Variants in MPPED1 observed in about 807,000 individuals in gnomAD.
MPPED1 encodes the protein metallophosphoesterase domain-containing protein 1.
Under a neutral mutation model 36.2 loss-of-function variants are expected in MPPED1, and 16 were observed. That is an observed-to-expected ratio of 0.44 (90% CI 0.30 to 0.67). The LOEUF (loss-of-function observed/expected upper bound fraction) is 0.67, where lower values mean the gene tolerates loss of function less well. Ranked by LOEUF, MPPED1 falls within the 30% of genes least tolerant of loss-of-function variation. MPPED1 has a pLI of 0.10. For missense variants in MPPED1, 307 were observed against 453.4 expected (o/e 0.68, Z 2.93); for synonymous variants, 199 against 191.3 (o/e 1.04, Z -0.33).
intron 3 of MPPED1, among the ~76,000 whole-genome samples, chr22:43,448,327 T>C (rs921481101): frequency 2.0e-5 from 3 of 152,218 alleles, no homozygotes; most frequent in Non-Finnish European, 4.4e-5. Context: ...AAAATTCAGT[T>C]AGTGTGACTG....
In MPPED1 at chr22:43,423,620, C is replaced by T. The variant is rs116690016; in HGVS notation, c.-78-1288C>T. On this transcript the variant is annotated intron_variant, in intron 1 of 6. Transcript: ENST00000443721. Reference sequence around the variant, plus strand: ...GATCAAGATTTAAAAAAATTAATAACCCATTTCTCCTTTGCACATAATTAA... The same window carrying T: ...GATCAAGATTTAAAAAAATTAATAATCCATTTCTCCTTTGCACATAATTAA... Among the ~76,000 whole-genome samples, 764 of 152,294 alleles carry T rather than the reference C, an allele frequency of 5.0e-3. 7 individuals are homozygous for T. Among genetic ancestry groups the T allele is most frequent in the African/African-American group, 0.018 (738 of 41,556 alleles).
At chr22:43,467,182 A>G (rs1023004677) in intron 3 of MPPED1, among the ~76,000 whole-genome samples, 8 of 152,222 alleles carry the variant, frequency 5.3e-5, no homozygotes, top group Non-Finnish European at 1.0e-4. Context: ...GATGGAAGTC[A>G]GGCTACGCCC....
Position 43,412,166 on chromosome 22 carries a change from C to A in MPPED1, c.-79+8C>A, listed in dbSNP as rs1302262103. On this transcript the variant is annotated splice_region_variant and intron_variant, in intron 1 of 6. Transcript: ENST00000443721. ...AGAGGAGCCCGGGGCCAGGTAGGAC[C>A]GGAGGCGGGCGGGGCGCGGCGGGCG... 6 of 978,162 alleles carry A rather than the reference C, an allele frequency of 6.1e-6. No homozygotes were observed. Among genetic ancestry groups the A allele is most frequent in the Middle Eastern group, 5.3e-4 (1 of 1,894 alleles). The allele number at this position is 978,162 out of a possible 1,614,324, so 60.6% of individuals were successfully genotyped here.
intron 1 of MPPED1, among the ~76,000 whole-genome samples, chr22:43,413,369 C>T (rs1928972524): frequency 7.4e-6 from 1 of 136,020 alleles, no homozygotes; most frequent in African/African-American, 2.8e-5. Context: ...AATAATCTGA[C>T]TGGACTTTGC....
chr22:43,412,384 C>T (rs2146805038), intron 1 of MPPED1, among the ~76,000 whole-genome samples: 1 of 152,154 alleles, frequency 6.6e-6, no homozygotes, highest in East Asian at 1.9e-4. Flanking sequence ...GGGCGCGGGA[C>T]TCCGGCTGGG....
intron 3 of MPPED1, among the ~76,000 whole-genome samples, chr22:43,451,686 T>C (rs75412277): frequency 1.6e-3 from 242 of 152,346 alleles, no homozygotes; most frequent in African/African-American, 5.5e-3. Flanking sequence ...AAGAAGTTTT[T>C]TGCTCATTGA....
chr22:43,492,710 T>G (rs1932141800), intron 4 of MPPED1, among the ~76,000 whole-genome samples: 1 of 152,166 alleles, frequency 6.6e-6, no homozygotes, highest in South Asian at 2.1e-4. Context: ...TGCTCATGGC[T>G]GGGTGTAGGG....
chr22:43,444,940 G>A (rs566775976), intron 3 of MPPED1, among the ~76,000 whole-genome samples: 1 of 152,170 alleles, frequency 6.6e-6, no homozygotes, highest in Non-Finnish European at 1.5e-5. Context: ...TAAATTAAAA[G>A]CCAGGGTTGA....
chr22:43,447,883 A>ATATTTTTT (rs1321289636), intron 3 of MPPED1, among the ~76,000 whole-genome samples: 44 of 67,706 alleles, frequency 6.5e-4, no homozygotes, highest in Non-Finnish European at 8.7e-4. Context: ...ATATATATAT[A>ATATTTTTT]TTTTTTTTTT....
intron 3 of MPPED1, among the ~76,000 whole-genome samples, chr22:43,439,606 G>C (rs1361564637): frequency 6.6e-6 from 1 of 152,236 alleles, no homozygotes; most frequent in Non-Finnish European, 1.5e-5. Context: ...GTAGAACGGG[G>C]AGAATTATTT....
rs576408897 is a variant in MPPED1 at position 43,502,027 on chromosome 22, G to A, written c.749-617G>A. Among the ~76,000 whole-genome samples, 6 of 152,252 alleles carry A rather than the reference G, an allele frequency of 3.9e-5. No homozygotes were observed. The highest frequency in any genetic ancestry group is 1.4e-4 in the African/African-American group (6 of 41,548). ...TGGAGTAATCAATTATTCTCCGTTT[G>A]TGTAGCCATGTGAGGATAATAAGCA... On this transcript the variant is annotated intron_variant, in intron 5 of 6. Transcript: ENST00000443721. This position sits in a 1 kb window ranked among gnomAD's most constrained non-coding sequence, Gnocchi z 5.5.
intron 3 of MPPED1, among the ~76,000 whole-genome samples, chr22:43,467,733 C>G (rs542889607): frequency 1.4e-3 from 211 of 152,294 alleles, no homozygotes; most frequent in African/African-American, 4.8e-3. Context: ...CTGCTGTGTT[C>G]TGCGAGATGG....
At chr22:43,486,251 G>A (rs1931908859) in intron 4 of MPPED1, among the ~76,000 whole-genome samples, 1 of 152,218 alleles carries the variant, frequency 6.6e-6, no homozygotes, top group South Asian at 2.1e-4. Flanking sequence ...AGCCTCACTG[G>A]GGTGCTGGCA....
intron 3 of MPPED1, among the ~76,000 whole-genome samples, chr22:43,441,769 G>A (rs191310988): frequency 1.3e-5 from 2 of 152,312 alleles, no homozygotes; most frequent in Admixed American, 1.3e-4. Flanking sequence ...GGGAGGAAGG[G>A]GGAGAAAGGG....
At chr22:43,479,167 G>A (rs373109481) in intron 4 of MPPED1, among the ~76,000 whole-genome samples, 8 of 152,106 alleles carry the variant, frequency 5.3e-5, no homozygotes, top group African/African-American at 1.7e-4. Flanking sequence ...CAGCTCATTC[G>A]GGGGGTGCAG....
chr22:43,435,021 T>A lies in MPPED1; in HGVS notation c.225-13T>A, dbSNP rs756973558. ...CATGGCCTCCTGATCCGCAGTGTCATCTCTCCCTGCAGGGTGGACCCGGTG... is the reference window on the plus strand; with the variant it reads ...CATGGCCTCCTGATCCGCAGTGTCAACTCTCCCTGCAGGGTGGACCCGGTG... On this transcript the variant is annotated splice_polypyrimidine_tract_variant and intron_variant, in intron 2 of 6. Coordinates refer to ENST00000443721, the MANE Select transcript of MPPED1 (RefSeq NM_001044370.2). The A allele has an allele frequency of 1.9e-6, 3 of 1,611,190 alleles. No homozygotes were observed. The highest frequency in any genetic ancestry group is 2.5e-6 in the Non-Finnish European group (3 of 1,178,166).
At chr22:43,466,765 T>C (rs186141247) in intron 3 of MPPED1, among the ~76,000 whole-genome samples, 1 of 152,194 alleles carries the variant, frequency 6.6e-6, no homozygotes, top group Admixed American at 6.5e-5. Context: ...CCTGCCAGAA[T>C]TATTCGAACT....
At chr22:43,425,230 G>A in intron 2 of MPPED1, 21 bp downstream of exon 2, 1 of 1,575,232 alleles carries the variant, frequency 6.3e-7, no homozygotes, top group Non-Finnish European at 8.7e-7. Flanking sequence ...CCGGTGGGGT[G>A]GGGGTGGGGG....
intron 3 of MPPED1, among the ~76,000 whole-genome samples, chr22:43,442,542 T>G (rs1601962230): frequency 6.6e-6 from 1 of 152,246 alleles, no homozygotes; most frequent in East Asian, 1.9e-4. Flanking sequence ...GAGGTGGAGC[T>G]GTTCTCTATG....
Sources: allele counts gnomAD v4.1 joint callset (sites outside exome capture counted in the v4.1 genomes callset), GRCh38; gene constraint gnomAD v4.1.1; non-coding constraint Gnocchi (gnomAD v3.1); transcripts MANE v1.5; gene names NCBI Gene and HGNC (gene_info 2026-07-23, HGNC 2026-07-21).